MYO1C: variants seen among roughly 807,000 people sequenced by gnomAD.
The protein encoded by MYO1C is unconventional myosin-Ic.
Under a neutral mutation model 150.8 loss-of-function variants are expected in MYO1C, and 104 were observed. That is an observed-to-expected ratio of 0.69 (90% confidence interval 0.59 to 0.81). The LOEUF (loss-of-function observed/expected upper bound fraction) is 0.81, where lower values mean the gene tolerates loss of function less well. Among genes scored for constraint, MYO1C ranks in the 30% least tolerant of loss-of-function variants. MYO1C has a pLI of 0.00. For missense variants in MYO1C, 1,504 were observed against 1,435.0 expected (o/e 1.05, Z -0.78); for synonymous variants, 663 against 579.9 (o/e 1.14, Z -2.06).
intron 25 of MYO1C, chr17:1,469,021 C>T (rs1454782115): frequency 1.0e-5 from 3 of 289,168 alleles, no homozygotes; most frequent in Non-Finnish European, 2.0e-5. Flanking sequence ...CTACTGGCCA[C>T]CCCAGCTGTA....
chr17:1,470,721 A>T (rs2074284762), intron 21 of MYO1C, 32 bp from the exon 22 acceptor site: 6 of 1,588,658 alleles, frequency 3.8e-6, no homozygotes, highest in Non-Finnish European at 5.1e-6. Flanking sequence ...AATTGGCCAG[A>T]GCGCGGGGAG....
rs144111021 is a variant in MYO1C, at chr17:1,482,864, C to T, written c.543G>A (p.Leu181=). 171 of 1,610,066 alleles carry T rather than the reference C, an allele frequency of 1.1e-4. No individual in the cohort carries two copies. Among genetic ancestry groups the T allele is most frequent in the Non-Finnish European group, 6.1e-5 (72 of 1,179,080 alleles). The part of the protein sequence containing the change: ...RDRLLQSNPV[L]EAFGNAKTLR... Reference sequence around the variant, plus strand: ...GGCTTCTCTCCCTGCCCCTCACCTCCAGCACCGGGTTGCTCTGTAGCAGCC... The same window carrying T: ...GGCTTCTCTCCCTGCCCCTCACCTCTAGCACCGGGTTGCTCTGTAGCAGCC... Residue 181 remains leucine, a synonymous_variant, in exon 4 of 32, where the codon CTG becomes CTA. Transcript: ENST00000648651.
At chr17:1,484,991 C>G (rs898176157) in intron 1 of MYO1C, 49 of 712,416 alleles carry the variant, frequency 6.9e-5, no homozygotes, top group Non-Finnish European at 1.1e-4. Flanking sequence ...TGGGCTCAGC[C>G]ACCCACTCCA....
chr17:1,471,246 C>G lies in MYO1C; in HGVS notation c.2112G>C (p.Lys704Asn), dbSNP rs2074296438. ...ACCTGCCCATCTTGTACTCTTCTGG[C>G]TTGTAGCCCAGGTGTCGGACCAGCA... ...VAVLVRHLGY[K>N]PEEYKMGRTK... Residue 704 changes from lysine (K) to asparagine (N), a missense_variant, in exon 20 of 32, where the codon AAG (lysine) becomes AAC (asparagine). Coordinates refer to ENST00000648651, the MANE Select transcript of MYO1C (RefSeq NM_001080779.2). The G allele has an allele frequency of 1.2e-6, 2 of 1,614,030 alleles. No individual in the cohort carries two copies. Among genetic ancestry groups the G allele is most frequent in the Non-Finnish European group, 1.7e-6 (2 of 1,180,008 alleles).
At chr17:1,490,421 C>T (rs1339368137) in intron 1 of MYO1C, among the ~76,000 whole-genome samples, 1 of 152,132 alleles carries the variant, frequency 6.6e-6, no homozygotes, top group Non-Finnish European at 1.5e-5. Flanking sequence ...TAGCTTGAAC[C>T]CGGCAGGTGG....
intron 5 of MYO1C, 110 bp from the exon 6 acceptor site, chr17:1,480,995 A>G (rs2074509058): frequency 3.3e-6 from 4 of 1,212,674 alleles, no homozygotes; most frequent in East Asian, 4.8e-5. Flanking sequence ...CTGGATGCCA[A>G]TTCCAGCCCT....
rs1220372982 is a variant in MYO1C, at chr17:1,492,419, G to A, written c.69C>T (p.Cys23=). Reference sequence around the variant, plus strand: ...CCAGAGCATCCCAGCTTACAAGCTTGCAGGGCCTGTGGGGATGAACCACGC... The same window carrying A: ...CCAGAGCATCCCAGCTTACAAGCTTACAGGGCCTGTGGGGATGAACCACGC... ...IIRVVHPHRP[C]KLALGSDGVR... Residue 23 remains cysteine, a synonymous_variant, in exon 1 of 32, where the codon TGC becomes TGT. Transcript: ENST00000648651. 6.2e-7 allele frequency: 1 copy of A among 1,605,134 alleles called. No homozygotes were observed. The highest frequency in any genetic ancestry group is 2.3e-5 in the East Asian group (1 of 44,284).
chr17:1,492,593 A>C lies in MYO1C; in HGVS notation c.-106T>G. 4 of 1,060,978 alleles carry C rather than the reference A, an allele frequency of 3.8e-6. No individual in the cohort carries two copies. Among genetic ancestry groups the C allele is most frequent in the Non-Finnish European group, 5.7e-6 (4 of 705,862 alleles). The allele number at this position is 1,060,978 out of a possible 1,614,324, so 65.7% of individuals were successfully genotyped here. A position where few individuals can be genotyped will look rare whatever the true frequency, so the allele number is the denominator to read the frequency against. ...TCCGGGACCAGGAACCTACGGTCTAACGCCGGGATGGCCACTTGGTTCTGC... is the reference window on the plus strand; with the variant it reads ...TCCGGGACCAGGAACCTACGGTCTACCGCCGGGATGGCCACTTGGTTCTGC... On this transcript the variant is annotated 5_prime_UTR_variant, in exon 1 of 32. Coordinates refer to ENST00000648651, the MANE Select transcript of MYO1C (RefSeq NM_001080779.2).
chr17:1,474,512 A>C, intron 17 of MYO1C, 98 bp downstream of exon 17: 2 of 1,235,858 alleles, frequency 1.6e-6, no homozygotes, highest in Non-Finnish European at 2.4e-6. Context: ...ACGGGCTCAC[A>C]CGCGTTCACA....
Position 1,492,444 on chromosome 17 carries a change from C to T in MYO1C, c.44G>A (p.Arg15His). The T allele has an allele frequency of 1.2e-6, 2 of 1,607,844 alleles. No individual in the cohort carries two copies. The highest frequency in any genetic ancestry group is 1.7e-6 in the Non-Finnish European group (2 of 1,177,534). The change falls in exon 1 of 32, where the codon CGC becomes CAC. Residue 15 changes from arginine (R) to histidine (H), a missense_variant. Arg to His is a conservative substitution (Grantham distance 29). Transcript: ENST00000648651. ...VELVPTGEIIRVVHPHRPCKL... is the reference protein window; with the variant it reads ...VELVPTGEIIHVVHPHRPCKL... ...GCAGGGCCTGTGGGGATGAACCACGCGGATGATCTCCCCGGTGGGTACCAG... is the reference window on the plus strand; with the variant it reads ...GCAGGGCCTGTGGGGATGAACCACGTGGATGATCTCCCCGGTGGGTACCAG...
In MYO1C at chr17:1,482,574, G is replaced by C; in HGVS notation, c.547-16C>G. The C allele has an allele frequency of 1.2e-6, 2 of 1,609,764 alleles. No individual in the cohort carries two copies. The highest frequency in any genetic ancestry group is 2.2e-5 in the East Asian group (1 of 44,836). ...TTCCAAAGGCCTAGGAGTGGACAGG[G>C]GTATGAGGGACACCTGGCACTCTCC... On this transcript the variant is annotated splice_polypyrimidine_tract_variant and intron_variant, in intron 4 of 31. Coordinates refer to ENST00000648651, the MANE Select transcript of MYO1C (RefSeq NM_001080779.2).
intron 24 of MYO1C, 115 bp from the exon 25 acceptor site, chr17:1,469,729 G>A (rs1402615644): frequency 1.2e-5 from 11 of 904,960 alleles, no homozygotes; most frequent in South Asian, 5.6e-5. Flanking sequence ...ATCTGGAGAC[G>A]CTTCCGGTCA....
Position 1,465,728 on chromosome 17 carries a change from A to G in MYO1C, c.3190T>C (p.Ter1064ArgextTer1). The part of the protein sequence containing the change: ...AVVAPRLNSR[*>R] Reference sequence around the variant, plus strand: ...GGAGGGTCCAGTGGGCGCCTTTATCACCGAGAATTCAGCCGTGGGGCGACC... The same window carrying G: ...GGAGGGTCCAGTGGGCGCCTTTATCGCCGAGAATTCAGCCGTGGGGCGACC... Residue 1064 changes from the stop codon to arginine (R), a stop_lost, in exon 32 of 32, where the codon TGA becomes CGA. Transcript: ENST00000648651. 7.5e-7 allele frequency: 1 copy of G among 1,325,040 alleles called. No homozygotes were observed. The highest frequency in any genetic ancestry group is 9.7e-7 in the Non-Finnish European group (1 of 1,027,650). 82.1% of individuals were successfully genotyped at this position (1,325,040 alleles called of 1,614,324 possible).
intron 14 of MYO1C, 100 bp from the exon 15 acceptor site, chr17:1,475,132 C>T: frequency 1.6e-6 from 2 of 1,225,936 alleles, no homozygotes; most frequent in Non-Finnish European, 2.3e-6. Context: ...TGCCCAGGTG[C>T]ACCCCAGGCC....
intron 25 of MYO1C, chr17:1,468,778 T>A: frequency 1.9e-6 from 1 of 525,376 alleles, no homozygotes; most frequent in African/African-American, 1.9e-5. Context: ...CTGGTGGCCC[T>A]GAGACTCAGC....
chr17:1,464,953 G>A lies in MYO1C; in HGVS notation c.*773C>T, dbSNP rs780621861. 6.6e-6 allele frequency: 1 copy of A among 152,070 alleles called. No individual in the cohort carries two copies. Among genetic ancestry groups the A allele is most frequent in the South Asian group, 2.1e-4 (1 of 4,818 alleles). The allele number at this position is 152,070 out of a possible 1,614,324, so 9.4% of individuals were successfully genotyped here. A position where few individuals can be genotyped will look rare whatever the true frequency, so the allele number is the denominator to read the frequency against. ...TCAGCCTCCCGAGTAGCTGGGATTA[G>A]AGGCGTGCACCACCATGCCCGGCTA... On this transcript the variant is annotated 3_prime_UTR_variant, in exon 32 of 32. Coordinates refer to ENST00000648651, the MANE Select transcript of MYO1C (RefSeq NM_001080779.2).
In MYO1C at chr17:1,464,782, A is replaced by G. The variant is rs1175076677; in HGVS notation, c.*944T>C. ...GCCTTCCCCACTCCAGCACTGCCTC[A>G]AACTGGGATGATGAGGACAGTAAAA... On this transcript the variant is annotated 3_prime_UTR_variant, in exon 32 of 32. Transcript: ENST00000648651. 6.6e-6 allele frequency: 1 copy of G among 151,928 alleles called. No homozygotes were observed. The highest frequency in any genetic ancestry group is 6.6e-5 in the Admixed American group (1 of 15,184). 9.4% of individuals were successfully genotyped at this position (151,928 alleles called of 1,614,324 possible).
At chr17:1,481,406 T>C (rs1335016774) in intron 5 of MYO1C, among the ~76,000 whole-genome samples, 2 of 152,196 alleles carry the variant, frequency 1.3e-5, no homozygotes, top group Non-Finnish European at 2.9e-5. Context: ...ACCTACATGA[T>C]GACATCAGCC....
intron 1 of MYO1C, among the ~76,000 whole-genome samples, chr17:1,490,023 GAGA>G: frequency 7.6e-6 from 1 of 131,288 alleles, no homozygotes. Context: ...CTGAGTGACA[GAGA>G]CACTGTCTCA....
Sources: gnomAD v4.1 joint callset for allele counts (sites outside exome capture counted in the v4.1 genomes callset) on GRCh38, gnomAD v4.1.1 for gene constraint, MANE v1.5 for transcripts, NCBI Gene and HGNC (gene_info 2026-07-23, HGNC 2026-07-21) for gene names.